The following IL1RAP variants were observed in gnomAD, a reference collection of about 807,000 sequenced individuals.
IL1RAP encodes interleukin-1 receptor accessory protein.
Under a neutral mutation model 60.7 loss-of-function variants are expected in IL1RAP, and 35 were observed. That is an observed-to-expected ratio of 0.58 (90% CI 0.44 to 0.76). The LOEUF is 0.76. Ranked by LOEUF, IL1RAP falls within the 30% of genes least tolerant of loss-of-function variation. The pLI is 0.00. For synonymous variants in IL1RAP, 268 were observed against 250.9 expected (o/e 1.07, Z -0.64); for missense variants, 572 against 693.9 (o/e 0.82, Z 1.97).
intron 5 of IL1RAP, chr3:190,615,454 C>T (rs988439679): frequency 2.6e-6 from 1 of 380,244 alleles, no homozygotes; most frequent in African/African-American, 2.1e-5. Flanking sequence ...TAATTCTCTT[C>T]CTTATAGTTT....
chr3:190,521,186 A>G (rs1035387756), intron 1 of IL1RAP, among the ~76,000 whole-genome samples: 3 of 152,192 alleles, frequency 2.0e-5, no homozygotes, highest in Admixed American at 6.5e-5. Context: ...CCAGATGGAT[A>G]CTAAATTAGA....
intron 9 of IL1RAP, among the ~76,000 whole-genome samples, chr3:190,640,234 G>A (rs768522343): frequency 5.9e-5 from 9 of 152,182 alleles, no homozygotes; most frequent in Non-Finnish European, 1.0e-4. Context: ...AAAAGCCAGA[G>A]TGATCGTAGC....
chr3:190,620,154 A>G (rs1302907728), intron 5 of IL1RAP, 121 bp from the exon 6 acceptor site: 2 of 527,990 alleles, frequency 3.8e-6, no homozygotes, highest in African/African-American at 2.0e-5. Flanking sequence ...ATAGTTTTAT[A>G]AAAACTGCAG....
chr3:190,613,428 G>T (rs897502916), intron 5 of IL1RAP, among the ~76,000 whole-genome samples: 3 of 152,158 alleles, frequency 2.0e-5, no homozygotes, highest in African/African-American at 7.2e-5. Flanking sequence ...GCTAAAGACA[G>T]AAAATTGGGT....
chr3:190,627,287 TTTTG>T (rs1442361854), intron 7 of IL1RAP, 32 bp from the exon 8 acceptor site: 2 of 1,442,540 alleles, frequency 1.4e-6, no homozygotes, highest in Non-Finnish European at 1.8e-6. Context: ...TTGTTTTGTT[TTTTG>T]TTTTTTTTGT....
intron 1 of IL1RAP, among the ~76,000 whole-genome samples, chr3:190,546,039 C>T (rs1026480379): frequency 4.6e-5 from 7 of 152,136 alleles, no homozygotes; most frequent in African/African-American, 1.2e-4. Context: ...AGTCACCTCA[C>T]ACAGAATGTA....
At chr3:190,522,489 A>G (rs1722171150) in intron 1 of IL1RAP, among the ~76,000 whole-genome samples, 1 of 151,960 alleles carries the variant, frequency 6.6e-6, no homozygotes, top group South Asian at 2.1e-4. Flanking sequence ...GGTTCAAGTA[A>G]GAAAAAATAT....
At position 190,651,374 on chromosome 3, in the gene IL1RAP, A is replaced by G. The variant is rs943517264; in HGVS notation, c.*2669A>G. On this transcript the variant is annotated 3_prime_UTR_variant, in exon 12 of 12. Transcript: ENST00000447382. ...TTGGAAACAAAAACATCATTCATTAATTACTTATTTTCTTTCCATAGGTTT... is the reference window on the plus strand; with the variant it reads ...TTGGAAACAAAAACATCATTCATTAGTTACTTATTTTCTTTCCATAGGTTT... 3.6e-6 allele frequency: 3 copies of G among 822,818 alleles called. No homozygotes were observed. In the African/African-American group the frequency reaches 5.6e-5, roughly 15 times the overall value. The allele number at this position is 822,818 out of a possible 1,614,324, so 51.0% of individuals were successfully genotyped here.
At chr3:190,525,664 T>C (rs6764850) in intron 1 of IL1RAP, among the ~76,000 whole-genome samples, 4,750 of 152,322 alleles carry the variant, frequency 0.031, 248 homozygotes, top group African/African-American at 0.11. Flanking sequence ...GTTTCATTGA[T>C]GTTTCATTCA....
intron 1 of IL1RAP, among the ~76,000 whole-genome samples, chr3:190,515,833 A>C (rs3774002): frequency 0.033 from 5,015 of 151,828 alleles, 148 homozygotes; most frequent in East Asian, 0.11. Context: ...AAAACAAACA[A>C]AATTCTCATA....
At chr3:190,607,684 A>G (rs2108760698) in intron 4 of IL1RAP, among the ~76,000 whole-genome samples, 1 of 152,330 alleles carries the variant, frequency 6.6e-6, no homozygotes, top group African/African-American at 2.4e-5. Flanking sequence ...TGAACATTAT[A>G]GCACCAATGT....
At position 190,557,789 on chromosome 3, in the gene IL1RAP, A is replaced by G. The variant is rs529593279; in HGVS notation, c.-2+1573A>G. ...AGAAAAATCATACCACTTAAAATAT[A>G]TTTCTAATTAATGCACTGTAACATT... On this transcript the variant is annotated intron_variant, in intron 2 of 11. Coordinates refer to ENST00000447382, the MANE Select transcript of IL1RAP (RefSeq NM_002182.4). Among the ~76,000 whole-genome samples the G allele has an allele frequency of 2.4e-4, 37 of 152,306 alleles. No individual in the cohort carries two copies. In the South Asian group the frequency reaches 6.4e-3, roughly 26 times the overall value.
At chr3:190,552,794 G>T (rs564392482) in intron 1 of IL1RAP, among the ~76,000 whole-genome samples, 1 of 152,064 alleles carries the variant, frequency 6.6e-6, no homozygotes, top group South Asian at 2.1e-4. Flanking sequence ...AAAATAATTT[G>T]GTTGACTGAA....
chr3:190,547,664 C>G (rs1316444830), intron 1 of IL1RAP, among the ~76,000 whole-genome samples: 1 of 152,156 alleles, frequency 6.6e-6, no homozygotes, highest in Non-Finnish European at 1.5e-5. Context: ...AAGGTAAAGG[C>G]TGCACTGAAG....
intron 3 of IL1RAP, among the ~76,000 whole-genome samples, chr3:190,566,007 CCTTCCTTTTTTT>C (rs1196541188): frequency 6.6e-6 from 1 of 151,826 alleles, no homozygotes; most frequent in Non-Finnish European, 1.5e-5. Flanking sequence ...TCCTCCTTTT[CCTTCCTTTTTTT>C]CTTCCTGAAC....
At chr3:190,529,334 CGAGACCAGCCTGGTCAA>C (rs566453411) in intron 1 of IL1RAP, among the ~76,000 whole-genome samples, 2 of 151,792 alleles carry the variant, frequency 1.3e-5, no homozygotes, top group Non-Finnish European at 2.9e-5. Flanking sequence ...GTCAGGAGTT[CGAGACCAGCCTGGTCAA>C]GAGACCAGCC....
At position 190,623,378 on chromosome 3, in the gene IL1RAP, T is replaced by C; in HGVS notation, c.738T>C (p.His246=). ...AAAATGCAGTGCCCCCTGTGATCCATTCACCTAATGATCATGTGGTCTATG... is the reference window on the plus strand; with the variant it reads ...AAAATGCAGTGCCCCCTGTGATCCACTCACCTAATGATCATGTGGTCTATG... The part of the protein sequence containing the change: ...SPKNAVPPVI[H]SPNDHVVYEK... Residue 246 remains histidine (H), a synonymous_variant, in exon 7 of 12, where the codon CAT becomes CAC. Coordinates refer to ENST00000447382, the MANE Select transcript of IL1RAP (RefSeq NM_002182.4). 1.2e-6 allele frequency: 2 copies of C among 1,613,658 alleles called. No individual in the cohort carries two copies. The highest frequency in any genetic ancestry group is 8.5e-7 in the Non-Finnish European group (1 of 1,179,670).
At chr3:190,652,660 C>G (rs933905280), downstream of IL1RAP, among the ~76,000 whole-genome samples, 1 of 152,002 alleles carries the variant, frequency 6.6e-6, no homozygotes, top group African/African-American at 2.4e-5. Context: ...AAGCAGAGTT[C>G]GACACTAATG....
chr3:190,634,209 A>C (rs1577790490), intron 9 of IL1RAP, among the ~76,000 whole-genome samples: 1 of 151,782 alleles, frequency 6.6e-6, no homozygotes, highest in African/African-American at 2.4e-5. Context: ...TCATATTGTC[A>C]TGATTTATTG....
Sources: gnomAD v4.1 joint callset for allele counts (sites outside exome capture counted in the v4.1 genomes callset) on GRCh38, gnomAD v4.1.1 for gene constraint, MANE v1.5 for transcripts, NCBI Gene and HGNC (gene_info 2026-07-23, HGNC 2026-07-21) for gene names.